The following TMEM128 variants were observed in gnomAD, a reference collection of about 807,000 sequenced individuals.
TMEM128 encodes the protein transmembrane protein 128.
TMEM128 carries 16 observed loss-of-function variants against 19.7 expected under a neutral mutation model. The observed-to-expected ratio is 0.81, with a 90% CI of 0.55 to 1.23. TMEM128 has a LOEUF of 1.23. Ranked by LOEUF, TMEM128 falls within the 50% of genes most tolerant of loss-of-function variation. The probability of loss-of-function intolerance (pLI) is 0.00; values close to 1 mark genes in which losing one functional copy is unlikely to be tolerated. For missense variants in TMEM128, 237 were observed against 200.8 expected, an observed-to-expected ratio of 1.18 and a Z score of -1.09; for synonymous variants, 98 against 75.8, an observed-to-expected ratio of 1.29 and a Z score of -1.52.
intron 1 of TMEM128, chr4:4,247,617 T>G (rs1486613264): frequency 6.2e-7 from 1 of 1,614,134 alleles, no homozygotes; most frequent in Non-Finnish European, 8.5e-7. Flanking sequence ...TGTACCCAAA[T>G]GGCGGCATAC....
chr4:4,248,108 G>A lies in TMEM128; in HGVS notation c.95C>T (p.Pro32Leu), dbSNP rs1480920260. 11 of 1,535,532 alleles carry A rather than the reference G, an allele frequency of 7.2e-6. No individual in the cohort carries two copies. The East Asian group carries it at 7.4e-5, about 10-fold the overall frequency. ...GGGCGGCTTGGTGCGCGCCTCACCC[G>A]GCCCGGCGTCACCCTCGCGGTCCAG... ...AQLDREGDAG[P>L]ETSTAVEKKE... The change falls in exon 1 of 5, where the codon CCG becomes CTG. Residue 32 changes from proline to leucine, a missense_variant and splice_region_variant. By Grantham distance (98) the Pro-to-Leu change is moderately conservative. Coordinates refer to ENST00000382753, the MANE Select transcript of TMEM128 (RefSeq NM_001297551.2).
chr4:4,243,598 C>A (rs12512882), intron 2 of TMEM128, among the ~76,000 whole-genome samples: 46,770 of 151,854 alleles, frequency 0.31, 7,771 homozygotes, highest in East Asian at 0.46. Flanking sequence ...TACCCCCCAA[C>A]TCCCCTTAAT....
intron 2 of TMEM128, among the ~76,000 whole-genome samples, chr4:4,245,102 C>G (rs1485196482): frequency 2.0e-5 from 3 of 152,118 alleles, no homozygotes; most frequent in African/African-American, 4.8e-5. Context: ...TTCCTACCCC[C>G]ACTGGTACTT....
chr4:4,237,836 T>A lies in TMEM128; in HGVS notation c.498A>T (p.Ter166CysextTer15), dbSNP rs1368843561. The change falls in exon 4 of 5, where the codon TGA (stop) becomes TGT (cysteine). Residue 166 changes from the stop codon to cysteine, a stop_lost. Coordinates refer to ENST00000382753, the MANE Select transcript of TMEM128 (RefSeq NM_001297551.2). ...ACTCCAGATATCTTACCTTCGGAAA[T>A]CATCCAAGGAGTGTGATAAACATGA... is the stretch of plus-strand genomic sequence containing the variant. Reference protein sequence around the residue: ...GVVMFITLLG* With the variant: ...GVVMFITLLGC The A allele has an allele frequency of 1.2e-6, 2 of 1,610,664 alleles. No homozygotes were observed. The highest frequency in any genetic ancestry group is 1.7e-5 in the Admixed American group (1 of 59,890).
At chr4:4,239,563 C>T (rs1157920692) in intron 3 of TMEM128, among the ~76,000 whole-genome samples, 3 of 152,194 alleles carry the variant, frequency 2.0e-5, no homozygotes, top group Non-Finnish European at 4.4e-5. Flanking sequence ...TACATCTCTA[C>T]ACCCAACAGA....
At chr4:4,237,056 G>C (rs1198233659) in intron 4 of TMEM128, 3 of 455,442 alleles carry the variant, frequency 6.6e-6, no homozygotes, top group Non-Finnish European at 1.3e-5. Flanking sequence ...GTGTAAGGCA[G>C]CAGATCTCAG....
At chr4:4,237,622 C>G (rs973496619) in intron 4 of TMEM128, among the ~76,000 whole-genome samples, 4 of 152,146 alleles carry the variant, frequency 2.6e-5, no homozygotes, top group African/African-American at 9.7e-5. Context: ...CCAGCCTGGA[C>G]AACAGAGTGA....
intron 1 of TMEM128, among the ~76,000 whole-genome samples, chr4:4,246,839 C>T (rs1718198678): frequency 6.6e-6 from 1 of 152,066 alleles, no homozygotes; most frequent in African/African-American, 2.4e-5. Context: ...CCACCGCCTC[C>T]CGGGTTCAAG....
At chr4:4,238,525 A>G (rs912228191) in intron 3 of TMEM128, among the ~76,000 whole-genome samples, 87 of 152,326 alleles carry the variant, frequency 5.7e-4, no homozygotes, top group African/African-American at 1.9e-3. Context: ...AAGTATGAGT[A>G]TTAAATAACT....
At chr4:4,246,099 G>T (rs1718158133) in intron 2 of TMEM128, 103 bp downstream of exon 2, 1 of 1,217,630 alleles carries the variant, frequency 8.2e-7, no homozygotes, top group Non-Finnish European at 1.1e-6. Context: ...ACAGGGCCTG[G>T]CAGAGAGTAG....
At position 4,240,483 on chromosome 4, in the gene TMEM128, T is replaced by C. The variant is rs1717909851; in HGVS notation, c.240-4A>G. ...GGCACTGCCACAGAGAAACCAGCTG[T>C]GGAGATAAAAACAGTAAGAGGTCTG... On this transcript the variant is annotated splice_region_variant and splice_polypyrimidine_tract_variant and intron_variant, in intron 2 of 4. Transcript: ENST00000382753. The C allele has an allele frequency of 6.2e-7, 1 of 1,610,682 alleles. No homozygotes were observed. The highest frequency in any genetic ancestry group is 8.5e-7 in the Non-Finnish European group (1 of 1,178,222).
Position 4,246,245 on chromosome 4 carries a change from C to T in TMEM128, c.196G>A (p.Val66Ile), listed in dbSNP as rs1480129741. ...ILASIVVTYY[V>I]DFFKTLKENF... ...TCTTTAAGGGTTTTAAAGAAGTCAA[C>T]ATAATAGGTCACAACAATGGATGCC... The change falls in exon 2 of 5, where the codon GTT (valine) becomes ATT (isoleucine). Residue 66 changes from valine to isoleucine, a missense_variant. Coordinates refer to ENST00000382753, the MANE Select transcript of TMEM128 (RefSeq NM_001297551.2). The T allele has an allele frequency of 6.2e-7, 1 of 1,612,090 alleles. No homozygotes were observed. The highest frequency in any genetic ancestry group is 1.7e-5 in the Admixed American group (1 of 59,620).
At chr4:4,244,355 T>C (rs776530408) in intron 2 of TMEM128, among the ~76,000 whole-genome samples, 9 of 152,110 alleles carry the variant, frequency 5.9e-5, no homozygotes, top group Non-Finnish European at 1.2e-4. Context: ...TGTGCGCCTA[T>C]AGTCCTAGCT....
intron 2 of TMEM128, 60 bp downstream of exon 2, chr4:4,246,142 A>G (rs964970448): frequency 1.3e-6 from 2 of 1,538,174 alleles, no homozygotes; most frequent in Non-Finnish European, 1.8e-6. Context: ...TTCAACTAAC[A>G]AAATATAACA....
chr4:4,237,196 G>T, intron 4 of TMEM128: 2 of 406,324 alleles, frequency 4.9e-6, no homozygotes, highest in Middle Eastern at 3.8e-4. Context: ...TTCCCAATTA[G>T]GTAAAATTGT....
chr4:4,241,463 C>T (rs1228384611), intron 2 of TMEM128, among the ~76,000 whole-genome samples: 1 of 152,176 alleles, frequency 6.6e-6, no homozygotes, highest in Non-Finnish European at 1.5e-5. Flanking sequence ...TCCCATTCTC[C>T]CAACTCAATC....
At chr4:4,247,667 G>A (rs781513826) in intron 1 of TMEM128, 1 of 1,614,014 alleles carries the variant, frequency 6.2e-7, no homozygotes, top group South Asian at 1.1e-5. Context: ...CATCCCCATT[G>A]GTACATACGA....
Position 4,240,477 on chromosome 4 carries a change from C to A in TMEM128, c.242G>T (p.Trp81Leu). 2 of 1,611,622 alleles carry A rather than the reference C, an allele frequency of 1.2e-6. No homozygotes were observed. The highest frequency in any genetic ancestry group is 8.5e-7 in the Non-Finnish European group (1 of 1,178,606). Residue 81 changes from tryptophan to leucine, a missense_variant and splice_region_variant, in exon 3 of 5, where the codon TGG becomes TTG. Transcript: ENST00000382753. ...CAACAAGGCACTGCCACAGAGAAAC[C>A]AGCTGTGGAGATAAAAACAGTAAGA... ...TLKENFHTSS[W>L]FLCGSALLLV...
rs192401887 is a variant in TMEM128 at position 4,235,643 on chromosome 4, A to G, written c.*623T>C. On this transcript the variant is annotated 3_prime_UTR_variant, in exon 5 of 5. Transcript: ENST00000382753. ...AAATGCTAAAAACCCAGTAATGTAC[A>G]TAATGATAAAATCTAAAGTGATGAG... 15 of 152,810 alleles carry G rather than the reference A, an allele frequency of 9.8e-5. No homozygotes were observed. The East Asian group carries it at 2.9e-3, about 29-fold the overall frequency. The allele number at this position is 152,810 out of a possible 1,614,324, so 9.5% of individuals were successfully genotyped here.
Sources: gnomAD v4.1 joint callset for allele counts (sites outside exome capture counted in the v4.1 genomes callset) on GRCh38, gnomAD v4.1.1 for gene constraint, MANE v1.5 for transcripts, NCBI Gene and HGNC (gene_info 2026-07-23, HGNC 2026-07-21) for gene names.